The following FNIP1 variants were observed in gnomAD, a reference collection of about 807,000 sequenced individuals.
The protein encoded by FNIP1 is folliculin-interacting protein 1.
In FNIP1, 40 loss-of-function variants were observed where a neutral mutation model predicts 124.5. That is an observed-to-expected ratio of 0.32 (90% confidence interval 0.25 to 0.42). The LOEUF is 0.42. Ranked by LOEUF, FNIP1 falls within the 10% of genes least tolerant of loss-of-function variation. The probability of loss-of-function intolerance (pLI) is 1.00; values close to 1 mark genes in which losing one functional copy is unlikely to be tolerated. For synonymous variants in FNIP1, 472 were observed against 470.6 expected (o/e 1.00, Z -0.04); for missense variants, 1,176 against 1,403.7 (o/e 0.84, Z 2.59).
chr5:131,743,567 G>C (rs1159269761), intron 2 of FNIP1, among the ~76,000 whole-genome samples: 1 of 152,094 alleles, frequency 6.6e-6, no homozygotes, highest in African/African-American at 2.4e-5. Context: ...CACTGCTATG[G>C]ACTGAATGTG....
intron 11 of FNIP1, among the ~76,000 whole-genome samples, chr5:131,682,445 G>A (rs1258397478): frequency 6.6e-6 from 1 of 152,052 alleles, no homozygotes; most frequent in African/African-American, 2.4e-5. Context: ...ATGGCCAGGT[G>A]CGGTGGCTCA....
At chr5:131,796,761 C>T (rs1772618048) in intron 1 of FNIP1, 69 bp downstream of exon 1, 6 of 1,431,950 alleles carry the variant, frequency 4.2e-6, no homozygotes, top group Non-Finnish European at 4.8e-6. Context: ...CACCGAAGGC[C>T]CCAACACCCC....
intron 13 of FNIP1, among the ~76,000 whole-genome samples, chr5:131,675,476 T>TA (rs1767883360): frequency 3.3e-5 from 5 of 152,178 alleles, no homozygotes; most frequent in Admixed American, 3.3e-4. Context: ...TGTCCCAATT[T>TA]AAAAAATACT....
intron 1 of FNIP1, among the ~76,000 whole-genome samples, chr5:131,772,281 A>G (rs1007422278): frequency 2.0e-5 from 3 of 152,040 alleles, no homozygotes; most frequent in Non-Finnish European, 4.4e-5. Flanking sequence ...GGTACAGGGA[A>G]CTTTCTGGGG....
intron 3 of FNIP1, among the ~76,000 whole-genome samples, chr5:131,730,633 G>A (rs1314731136): frequency 6.6e-6 from 1 of 152,074 alleles, no homozygotes; most frequent in East Asian, 1.9e-4. Context: ...AAAAAAGTAT[G>A]TAAAATAAGA....
At position 131,702,066 on chromosome 5, in the gene FNIP1, T is replaced by C. The variant is rs147265151; in HGVS notation, c.1116+1999A>G. Among the ~76,000 whole-genome samples, 21 of 152,320 alleles carry C rather than the reference T, an allele frequency of 1.4e-4. No homozygotes were observed. In the East Asian group the frequency reaches 2.9e-3, roughly 21 times the overall value. ...GATGTTAACGATAGGGTAGCAACAA[T>C]TGTGCAAAAGTAGAAATGGCCTAAC... On this transcript the variant is annotated intron_variant, in intron 10 of 17. Transcript: ENST00000510461.
intron 3 of FNIP1, among the ~76,000 whole-genome samples, chr5:131,728,583 C>T (rs566697710): frequency 1.3e-5 from 2 of 152,248 alleles, no homozygotes; most frequent in Admixed American, 6.5e-5. Flanking sequence ...ATTCATCTAA[C>T]CTTTTTTCCA....
chr5:131,768,250 G>A (rs936130302), intron 1 of FNIP1, among the ~76,000 whole-genome samples: 4 of 152,020 alleles, frequency 2.6e-5, no homozygotes, highest in Non-Finnish European at 5.9e-5. Context: ...CACCATAAGA[G>A]CTATCATGTA....
At chr5:131,658,193 C>CA (rs930041084) in intron 15 of FNIP1, among the ~76,000 whole-genome samples, 6 of 151,990 alleles carry the variant, frequency 3.9e-5, no homozygotes, top group Admixed American at 3.9e-4. Context: ...GCAGCAAGGC[C>CA]AAAAAACAAA....
At chr5:131,701,051 C>T (rs1049951237) in intron 10 of FNIP1, among the ~76,000 whole-genome samples, 1 of 152,138 alleles carries the variant, frequency 6.6e-6, no homozygotes, top group African/African-American at 2.4e-5. Context: ...GGAATTGGGT[C>T]GAGCAAGCAA....
At chr5:131,755,943 A>G (rs1373070076) in intron 1 of FNIP1, among the ~76,000 whole-genome samples, 1 of 152,040 alleles carries the variant, frequency 6.6e-6, no homozygotes, top group Non-Finnish European at 1.5e-5. Flanking sequence ...TGGGAGGCAA[A>G]GGTTGCAGTG....
chr5:131,670,514 A>C lies in FNIP1; in HGVS notation c.3057T>G (p.Ser1019Arg). The C allele has an allele frequency of 1.9e-6, 3 of 1,613,062 alleles. No individual in the cohort carries two copies. The highest frequency in any genetic ancestry group is 2.5e-6 in the Non-Finnish European group (3 of 1,179,688). ...TCAGACACTGACGGAACCTCTCATCACTCCCAATTCCTTGAAGAACAAAGT... is the reference window on the plus strand; with the variant it reads ...TCAGACACTGACGGAACCTCTCATCCCTCCCAATTCCTTGAAGAACAAAGT... ...VPDFVLQGIGSDERFRQCLMS... is the reference protein window; with the variant it reads ...VPDFVLQGIGRDERFRQCLMS... The change falls in exon 15 of 18, where the codon AGT becomes AGG. Residue 1019 changes from serine to arginine, a missense_variant. By Grantham distance (110) the Ser-to-Arg change is moderately radical. Transcript: ENST00000510461.
intron 1 of FNIP1, among the ~76,000 whole-genome samples, chr5:131,785,068 GATATATATGACAT>G (rs1772135160): frequency 8.2e-5 from 1 of 12,238 alleles, no homozygotes; most frequent in Non-Finnish European, 2.8e-4. Context: ...TCATATATAT[GATATATATGACAT>G]ATATATATGA....
In FNIP1 at chr5:131,659,066, C is replaced by T. The variant is rs1251699143; in HGVS notation, c.3109-7067G>A. On this transcript the variant is annotated intron_variant, in intron 15 of 17. Coordinates refer to ENST00000510461, the MANE Select transcript of FNIP1 (RefSeq NM_133372.3). The stretch of plus-strand genomic sequence containing the variant: ...TCCGCCTAGAAGCATTTGCGATGGA[C>T]GATGGAGAGGCCAGACTCATCATAC... 3.9e-5 allele frequency among the ~76,000 whole-genome samples: 6 copies of T among 152,158 alleles called. No homozygotes were observed. The East Asian group carries it at 5.8e-4, about 15-fold the overall frequency.
At chr5:131,763,822 A>C (rs1366329975) in intron 1 of FNIP1, among the ~76,000 whole-genome samples, 4 of 152,200 alleles carry the variant, frequency 2.6e-5, no homozygotes, top group African/African-American at 9.6e-5. Context: ...CTCAATTGAA[A>C]CAACTGCGAG....
In FNIP1 at chr5:131,672,463, C is replaced by T. The variant is rs1281825322; in HGVS notation, c.1981G>A (p.Val661Ile). The change falls in exon 14 of 18, where the codon GTT becomes ATT. Residue 661 changes from valine (V) to isoleucine (I), a missense_variant. Physicochemically the swap from Val to Ile is conservative, Grantham distance 29. Around this residue, in one of 2 missense-constraint regions of FNIP1, gnomAD observed 1,109 missense variants for 1,288.5 expected, o/e 0.86. Transcript: ENST00000510461. Reference sequence around the variant, plus strand: ...TTATCTCTGTACTGTTTAACATCAACAGCATTTTCTTCTTGGCAGTCAGAA... The same window carrying T: ...TTATCTCTGTACTGTTTAACATCAATAGCATTTTCTTCTTGGCAGTCAGAA... Reference protein sequence around the residue: ...SPSDCQEENAVDVKQYRDKLR... With the variant: ...SPSDCQEENAIDVKQYRDKLR... The T allele has an allele frequency of 6.2e-7, 1 of 1,613,526 alleles. No homozygotes were observed. Among genetic ancestry groups the T allele is most frequent in the African/African-American group, 1.3e-5 (1 of 75,062 alleles).
intron 1 of FNIP1, among the ~76,000 whole-genome samples, chr5:131,783,886 A>C (rs1772076993): frequency 1.3e-5 from 2 of 152,154 alleles, no homozygotes; most frequent in Admixed American, 1.3e-4. Flanking sequence ...GCAGTCTCAA[A>C]AATTTATCTC....
intron 2 of FNIP1, 125 bp downstream of exon 2, chr5:131,744,439 C>T (rs1770606447): frequency 1.5e-5 from 14 of 921,296 alleles, no homozygotes; most frequent in Non-Finnish European, 2.2e-5. Context: ...CAAACATTTC[C>T]TTCTCCCTCA....
rs1321818658 is a variant in FNIP1, at chr5:131,744,626, G to A, written c.157C>T (p.Arg53Ter). Residue 53 changes from arginine (R) to a stop codon, truncating the protein, a stop_gained, in exon 2 of 18, where the codon CGA becomes TGA. Coordinates refer to ENST00000510461, the MANE Select transcript of FNIP1 (RefSeq NM_133372.3). LOFTEE classifies it high-confidence loss of function. ...RLIVYQDCER[R>*]GRNVLFDSSV... ...GAGTCAAACAAAACATTTCTCCCTC[G>A]TCTTTCACAGTCTTGATATACAATC... 4.3e-6 allele frequency: 7 copies of A among 1,611,300 alleles called. No individual in the cohort carries two copies. Among genetic ancestry groups the A allele is most frequent in the African/African-American group, 1.3e-5 (1 of 74,824 alleles).
Sources: allele counts gnomAD v4.1 joint callset (sites outside exome capture counted in the v4.1 genomes callset), GRCh38; gene constraint gnomAD v4.1.1; regional missense constraint gnomAD v4.1.1; transcripts MANE v1.5; gene names NCBI Gene and HGNC (gene_info 2026-07-23, HGNC 2026-07-21).